The following SLC6A6 variants were observed in gnomAD, a reference collection of about 807,000 sequenced individuals.
The protein encoded by SLC6A6 is solute carrier family 6 member 6.
SLC6A6 carries 16 observed loss-of-function variants against 68.8 expected under a neutral mutation model. The observed-to-expected ratio is 0.23, with a 90% CI of 0.16 to 0.35. The LOEUF (loss-of-function observed/expected upper bound fraction) is 0.35, where lower values mean the gene tolerates loss of function less well. Among genes scored for constraint, SLC6A6 ranks in the 10% least tolerant of loss-of-function variants. The pLI is 1.00. For missense variants in SLC6A6, 474 were observed against 802.8 expected (o/e 0.59, Z 4.95); for synonymous variants, 312 against 315.4 (o/e 0.99, Z 0.12).
At chr3:14,475,773 C>T (rs972887598) in intron 10 of SLC6A6, among the ~76,000 whole-genome samples, 2 of 152,158 alleles carry the variant, frequency 1.3e-5, no homozygotes, top group Non-Finnish European at 2.9e-5. Context: ...TGCTATAATT[C>T]GGTGGCAATT....
intron 9 of SLC6A6, among the ~76,000 whole-genome samples, chr3:14,469,870 G>C (rs1158404979): frequency 6.6e-6 from 1 of 152,090 alleles, no homozygotes; most frequent in East Asian, 1.9e-4. Flanking sequence ...CCTCTCCACT[G>C]TCCCTGCTTC....
chr3:14,443,133 A>G (rs1700030917), intron 2 of SLC6A6, among the ~76,000 whole-genome samples: 1 of 152,172 alleles, frequency 6.6e-6, no homozygotes, highest in Non-Finnish European at 1.5e-5. Flanking sequence ...TGGGCTGGGC[A>G]CTGTATTAAG....
At chr3:14,479,936 T>G (rs1226282111) in intron 13 of SLC6A6, among the ~76,000 whole-genome samples, 1 of 152,216 alleles carries the variant, frequency 6.6e-6, no homozygotes, top group East Asian at 1.9e-4. Context: ...ACGGCTCCAC[T>G]ATGGGGAGCA....
Position 14,484,948 on chromosome 3 carries a change from ACCGT to A in SLC6A6, c.1806_1809del (p.Val603Ter). On this transcript the variant is annotated frameshift_variant, in exon 15 of 15. Transcript: ENST00000622186. LOFTEE classifies it high-confidence loss of function. ...GGGAGCCACACCTTACAACTCTCGC[ACCGT>A]CATGAACGGCGCTCTCGTGAAACCG... 1 of 1,612,818 alleles carries A rather than the reference ACCGT, an allele frequency of 6.2e-7. No homozygotes were observed. Among genetic ancestry groups the A allele is most frequent in the African/African-American group, 1.3e-5 (1 of 74,820 alleles).
chr3:14,483,907 A>G (rs1438939406), intron 14 of SLC6A6, among the ~76,000 whole-genome samples: 1 of 152,044 alleles, frequency 6.6e-6, no homozygotes, highest in Non-Finnish European at 1.5e-5. Context: ...CTGCCTTTAA[A>G]TCCTGACCTT....
intron 1 of SLC6A6, among the ~76,000 whole-genome samples, chr3:14,410,612 C>T (rs1439753826): frequency 6.6e-6 from 1 of 152,196 alleles, no homozygotes; most frequent in Non-Finnish European, 1.5e-5. Flanking sequence ...GGTATCTGAG[C>T]AGGCCTAGGC....
At chr3:14,467,801 C>A in intron 7 of SLC6A6, 52 bp from the exon 8 acceptor site, 2 of 1,184,842 alleles carry the variant, frequency 1.7e-6, no homozygotes, top group Non-Finnish European at 1.2e-6. Flanking sequence ...CTCCAGGAAG[C>A]CAGCTCTGAC....
chr3:14,451,781 C>A (rs140591389), intron 5 of SLC6A6, among the ~76,000 whole-genome samples: 5 of 152,172 alleles, frequency 3.3e-5, no homozygotes, highest in Admixed American at 2.6e-4. Flanking sequence ...TAGCCACCAA[C>A]CCTGCAGCGT....
chr3:14,404,501 A>C (rs1366103886), intron 1 of SLC6A6, among the ~76,000 whole-genome samples: 1 of 152,208 alleles, frequency 6.6e-6, no homozygotes, highest in Non-Finnish European at 1.5e-5. Flanking sequence ...TTTCTGCCTC[A>C]GTTTCCTTAC....
chr3:14,449,674 A>C (rs565729089), intron 5 of SLC6A6, among the ~76,000 whole-genome samples: 8 of 152,220 alleles, frequency 5.3e-5, no homozygotes, highest in Non-Finnish European at 1.0e-4. Context: ...CAGTGCTGAC[A>C]TCCCAAGGTT....
chr3:14,483,848 A>G (rs1165797166), intron 14 of SLC6A6, among the ~76,000 whole-genome samples: 4 of 151,924 alleles, frequency 2.6e-5, no homozygotes, highest in Admixed American at 2.0e-4. Context: ...TGCCTGGCTA[A>G]TTTTTAATTT....
intron 1 of SLC6A6, among the ~76,000 whole-genome samples, chr3:14,405,708 G>A (rs1302031764): frequency 6.6e-6 from 1 of 152,194 alleles, no homozygotes; most frequent in Non-Finnish European, 1.5e-5. Flanking sequence ...CAGGAGCTGT[G>A]GATCTGGAAA....
In SLC6A6 at chr3:14,472,416, C is replaced by G; in HGVS notation, c.1209+99C>G. 1.4e-6 allele frequency: 1 copy of G among 739,828 alleles called. No individual in the cohort carries two copies. Among genetic ancestry groups the G allele is most frequent in the Non-Finnish European group, 2.4e-6 (1 of 417,866 alleles). 45.8% of individuals were successfully genotyped at this position (739,828 alleles called of 1,614,324 possible). On this transcript the variant is annotated intron_variant, in intron 10 of 14. Transcript: ENST00000622186. This position sits in a 1 kb window ranked among gnomAD's most constrained non-coding sequence, Gnocchi z 4.5. Reference sequence around the variant, plus strand: ...CCTGGGAGGTGGTCAACCCCCTTCCCCCCTCCAGTCAGACTTCCAGTGCTT... The same window carrying G: ...CCTGGGAGGTGGTCAACCCCCTTCCGCCCTCCAGTCAGACTTCCAGTGCTT...
intron 2 of SLC6A6, among the ~76,000 whole-genome samples, chr3:14,438,961 G>A (rs1168042204): frequency 6.6e-6 from 1 of 152,234 alleles, no homozygotes; most frequent in Admixed American, 6.5e-5. Context: ...GCAAGGGCTT[G>A]ACTTTCCCCA....
intron 1 of SLC6A6, among the ~76,000 whole-genome samples, chr3:14,408,049 G>C (rs577123800): frequency 6.6e-6 from 1 of 152,150 alleles, no homozygotes; most frequent in East Asian, 1.9e-4. Context: ...TTCCAGCTGG[G>C]GGGCAGCTAT....
In SLC6A6 at chr3:14,402,802, C is replaced by T; in HGVS notation, c.-99C>T. On this transcript the variant is annotated 5_prime_UTR_variant, in exon 1 of 15. Transcript: ENST00000622186. The surrounding 1 kb of genome is among the most constrained non-coding windows in gnomAD (Gnocchi z 4.8). ...GGCAGGCAGCCCCCGGCCGGCGGAA[C>T]CCGGCACAGCCGAGCAGAGCGCGGG... 5.0e-6 allele frequency: 2 copies of T among 397,924 alleles called. No individual in the cohort carries two copies. The highest frequency in any genetic ancestry group is 4.4e-6 in the Non-Finnish European group (1 of 225,570). 24.6% of individuals were successfully genotyped at this position (397,924 alleles called of 1,614,324 possible).
chr3:14,489,160 T>C lies in SLC6A6; in HGVS notation c.*4153T>C, dbSNP rs779109671. 1 of 152,668 alleles carries C rather than the reference T, an allele frequency of 6.6e-6. No homozygotes were observed. Among genetic ancestry groups the C allele is most frequent in the Non-Finnish European group, 1.5e-5 (1 of 68,046 alleles). The allele number at this position is 152,668 out of a possible 1,614,324, so 9.5% of individuals were successfully genotyped here. On this transcript the variant is annotated 3_prime_UTR_variant, in exon 15 of 15. Coordinates refer to ENST00000622186, the MANE Select transcript of SLC6A6 (RefSeq NM_003043.6). ...ACAAGATCCTTGGTGTGTAGTTCAG[T>C]CTTGCAGTATACAAGCTTTTGTGTA...
chr3:14,436,831 C>T (rs1325059920), intron 2 of SLC6A6, among the ~76,000 whole-genome samples: 1 of 152,270 alleles, frequency 6.6e-6, no homozygotes, highest in East Asian at 1.9e-4. Flanking sequence ...GCACTGACTG[C>T]TCCCCAGGCC....
In SLC6A6 at chr3:14,481,842, G is replaced by A; in HGVS notation, c.1722+1G>A. Reference sequence around the variant, plus strand: ...CCAGACTGAGGGGCCGTTCCTTGTGGTAAGTGCTTGGGCCCAGGGCCAGGG... The same window carrying A: ...CCAGACTGAGGGGCCGTTCCTTGTGATAAGTGCTTGGGCCCAGGGCCAGGG... On this transcript the variant is annotated splice_donor_variant, in intron 14 of 14. Transcript: ENST00000622186. LOFTEE classifies it high-confidence loss of function. This position sits in a 1 kb window ranked among gnomAD's most constrained non-coding sequence, Gnocchi z 4.7. The A allele has an allele frequency of 6.2e-7, 1 of 1,613,642 alleles. No individual in the cohort carries two copies. Among genetic ancestry groups the A allele is most frequent in the Non-Finnish European group, 8.5e-7 (1 of 1,179,710 alleles).
Sources: gnomAD v4.1 joint callset for allele counts (sites outside exome capture counted in the v4.1 genomes callset) on GRCh38, gnomAD v4.1.1 for gene constraint, Gnocchi (gnomAD v3.1) non-coding constraint, MANE v1.5 for transcripts, NCBI Gene and HGNC (gene_info 2026-07-23, HGNC 2026-07-21) for gene names.